The following GRIA1 variants were observed in gnomAD, a reference collection of about 807,000 sequenced individuals.
GRIA1 encodes glutamate ionotropic receptor AMPA type subunit 1.
Under a neutral mutation model 99.2 loss-of-function variants are expected in GRIA1, and 31 were observed. That is an observed-to-expected ratio of 0.31 (90% CI 0.23 to 0.42). The LOEUF (loss-of-function observed/expected upper bound fraction) is 0.42, where lower values mean the gene tolerates loss of function less well. Among genes scored for constraint, GRIA1 ranks in the 10% least tolerant of loss-of-function variants. The pLI is 1.00. For missense variants in GRIA1, 782 were observed against 1,157.5 expected, an observed-to-expected ratio of 0.68 and a Z score of 4.71; for synonymous variants, 438 against 432.4, an observed-to-expected ratio of 1.01 and a Z score of -0.16.
At chr5:153,715,416 G>A (rs758205640) in intron 11 of GRIA1, among the ~76,000 whole-genome samples, 1 of 151,874 alleles carries the variant, frequency 6.6e-6, no homozygotes. Flanking sequence ...GTGATTTATA[G>A]TCATAGTTAT....
At chr5:153,778,192 A>AGTGTGTGTGT (rs61414750) in intron 13 of GRIA1, among the ~76,000 whole-genome samples, 3 of 37,310 alleles carry the variant, frequency 8.0e-5, no homozygotes, top group African/African-American at 3.5e-4. Flanking sequence ...AGAGAGAGAG[A>AGTGTGTGTGT]GTGTGTGTGT....
intron 2 of GRIA1, among the ~76,000 whole-genome samples, chr5:153,560,660 C>G (rs184070302): frequency 6.6e-6 from 1 of 152,342 alleles, no homozygotes; most frequent in African/African-American, 2.4e-5. Flanking sequence ...CTGTGTGCAA[C>G]TGTGAGTCTA....
At chr5:153,498,532 G>A (rs962132594) in intron 2 of GRIA1, among the ~76,000 whole-genome samples, 1 of 152,226 alleles carries the variant, frequency 6.6e-6, no homozygotes, top group African/African-American at 2.4e-5. Flanking sequence ...CCTAACTACA[G>A]TGGGATGCCC....
intron 2 of GRIA1, among the ~76,000 whole-genome samples, chr5:153,532,413 A>G (rs1261319874): frequency 6.6e-6 from 1 of 152,188 alleles, no homozygotes; most frequent in African/African-American, 2.4e-5. Flanking sequence ...TCTTCCCAAC[A>G]GGGACTCAAG....
chr5:153,662,384 A>T (rs973001857), intron 5 of GRIA1, among the ~76,000 whole-genome samples: 1 of 152,228 alleles, frequency 6.6e-6, no homozygotes, highest in Non-Finnish European at 1.5e-5. Context: ...GTAAAATAAC[A>T]TTCTCAAAAG....
intron 4 of GRIA1, among the ~76,000 whole-genome samples, chr5:153,654,021 C>T (rs1384438732): frequency 6.6e-6 from 1 of 152,104 alleles, no homozygotes; most frequent in Non-Finnish European, 1.5e-5. Flanking sequence ...TTGCTTCTTA[C>T]ATTTATAACA....
chr5:153,534,120 A>G (rs1222361192), intron 2 of GRIA1, among the ~76,000 whole-genome samples: 1 of 152,222 alleles, frequency 6.6e-6, no homozygotes, highest in South Asian at 2.1e-4. Flanking sequence ...CACCTAACCT[A>G]GAAATAGTGT....
In GRIA1 at chr5:153,613,710, C is replaced by CT. The variant is rs11362282; in HGVS notation, c.221-33206dup. On this transcript the variant is annotated intron_variant, in intron 2 of 15. Transcript: ENST00000285900. ...CTAACACTTTTCCCAGAAACAGCCA[C>CT]TTTTTTTTTTTTGTCAGCCATCATA... Among the ~76,000 whole-genome samples, 890 of 147,774 alleles carry CT rather than the reference C, an allele frequency of 6.0e-3. 8 individuals are homozygous for CT. Among genetic ancestry groups the CT allele is most frequent in the African/African-American group, 0.019 (772 of 40,260 alleles).
rs151265444 is a variant in GRIA1, at chr5:153,511,613, A to G, written c.220+17548A>G. On this transcript the variant is annotated intron_variant, in intron 2 of 15. Coordinates refer to ENST00000285900, the MANE Select transcript of GRIA1 (RefSeq NM_000827.4). ...ACTCTTTTTGCTGAATTTGTGAATA[A>G]TGTCTTGTGATGTTTAATCCTGTTT... Among the ~76,000 whole-genome samples the G allele has an allele frequency of 5.3e-3, 802 of 152,302 alleles. 4 individuals carry two copies. Among genetic ancestry groups the G allele is most frequent in the African/African-American group, 0.018 (765 of 41,564 alleles).
chr5:153,645,205 A>G (rs1191393300), intron 2 of GRIA1, among the ~76,000 whole-genome samples: 1 of 152,156 alleles, frequency 6.6e-6, no homozygotes, highest in East Asian at 1.9e-4. Context: ...GAATTGTGTG[A>G]AACCAGAATC....
intron 11 of GRIA1, among the ~76,000 whole-genome samples, chr5:153,753,645 T>C (rs1233877711): frequency 2.0e-5 from 3 of 150,686 alleles, no homozygotes; most frequent in Non-Finnish European, 4.4e-5. Flanking sequence ...GTAAATAAGG[T>C]TGAAGTAAGA....
chr5:153,706,936 A>C (rs931857026), intron 11 of GRIA1, among the ~76,000 whole-genome samples: 2 of 152,062 alleles, frequency 1.3e-5, no homozygotes, highest in Admixed American at 1.3e-4. Flanking sequence ...CTCTACTAAA[A>C]ATAAAAAATA....
intron 2 of GRIA1, among the ~76,000 whole-genome samples, chr5:153,605,924 G>C (rs575153730): frequency 4.7e-4 from 72 of 152,148 alleles, no homozygotes; most frequent in Non-Finnish European, 8.2e-4. Flanking sequence ...GGTATCTCTT[G>C]CTGTGCAGGA....
chr5:153,636,983 G>A (rs569327910), intron 2 of GRIA1, among the ~76,000 whole-genome samples: 6 of 152,244 alleles, frequency 3.9e-5, no homozygotes, highest in South Asian at 2.1e-4. Context: ...TGAATGACTC[G>A]GAGAAGATTA....
intron 2 of GRIA1, among the ~76,000 whole-genome samples, chr5:153,565,902 T>TC (rs1170836607): frequency 6.6e-6 from 1 of 152,188 alleles, no homozygotes; most frequent in African/African-American, 2.4e-5. Context: ...TGTTTTTACT[T>TC]TTTGACTACT....
chr5:153,772,221 G>A (rs1366681498), intron 13 of GRIA1, among the ~76,000 whole-genome samples: 2 of 151,714 alleles, frequency 1.3e-5, no homozygotes, highest in Non-Finnish European at 2.9e-5. Context: ...TGGTCTGCAG[G>A]ATGAGTGGGG....
chr5:153,504,237 T>C (rs1755273591), intron 2 of GRIA1, among the ~76,000 whole-genome samples: 1 of 151,622 alleles, frequency 6.6e-6, no homozygotes, highest in South Asian at 2.1e-4. Flanking sequence ...CATACGGACA[T>C]GGGGGAGGAA....
At chr5:153,514,286 TC>T (rs879631575) in intron 2 of GRIA1, among the ~76,000 whole-genome samples, 3 of 152,256 alleles carry the variant, frequency 2.0e-5, no homozygotes, top group Non-Finnish European at 4.4e-5. Context: ...ACATGGTTTT[TC>T]CCCTATGTTT....
intron 2 of GRIA1, among the ~76,000 whole-genome samples, chr5:153,516,301 T>C (rs527382754): frequency 6.6e-6 from 1 of 151,728 alleles, no homozygotes; most frequent in East Asian, 1.9e-4. Context: ...TCCCATTGGA[T>C]AAATAACTGT....
Sources: gnomAD v4.1 joint callset for allele counts (sites outside exome capture counted in the v4.1 genomes callset) on GRCh38, gnomAD v4.1.1 for gene constraint, MANE v1.5 for transcripts, NCBI Gene and HGNC (gene_info 2026-07-23, HGNC 2026-07-21) for gene names.